Variants in SLC25A48 observed in about 807,000 individuals in gnomAD.
The protein encoded by SLC25A48 is CTC-321K16.1.
Under a neutral mutation model 32.2 loss-of-function variants are expected in SLC25A48, and 29 were observed. The ratio of observed to expected loss-of-function variants is 0.90; its 90% CI spans 0.67 to 1.23. The LOEUF is 1.23. Ranked by LOEUF, SLC25A48 falls within the 50% of genes most tolerant of loss-of-function variation. The probability of loss-of-function intolerance (pLI) is 0.00; values close to 1 mark genes in which losing one functional copy is unlikely to be tolerated. For synonymous variants in SLC25A48, 164 were observed against 172.3 expected (o/e 0.95, Z 0.38); for missense variants, 399 against 422.7 (o/e 0.94, Z 0.49).
intron 3 of SLC25A48, among the ~76,000 whole-genome samples, chr5:135,669,508 G>C (rs1008573153): frequency 9.2e-5 from 14 of 152,210 alleles, no homozygotes; most frequent in African/African-American, 3.4e-4. Context: ...GCAACGGGAT[G>C]TCACTTCCAC....
chr5:135,749,287 A>C (rs1755714958), intron 3 of SLC25A48, among the ~76,000 whole-genome samples: 1 of 149,796 alleles, frequency 6.7e-6, no homozygotes, highest in African/African-American at 2.5e-5. Flanking sequence ...TTCCACACAC[A>C]AAAAAAAACC....
At chr5:135,712,599 T>G (rs1486219525) in intron 3 of SLC25A48, among the ~76,000 whole-genome samples, 1 of 152,236 alleles carries the variant, frequency 6.6e-6, no homozygotes, top group East Asian at 1.9e-4. Context: ...ATGAGGATAC[T>G]TCTGGCTTAT....
intron 4 of SLC25A48, among the ~76,000 whole-genome samples, chr5:135,861,913 A>AT (rs558108640): frequency 3.5e-5 from 5 of 142,944 alleles, no homozygotes; most frequent in Admixed American, 6.7e-5. Context: ...TTATGCCCCC[A>AT]TGTAAATGCT....
intron 3 of SLC25A48, among the ~76,000 whole-genome samples, chr5:135,750,086 A>G (rs1470533503): frequency 1.3e-5 from 2 of 152,142 alleles, no homozygotes; most frequent in Non-Finnish European, 2.9e-5. Flanking sequence ...TATTGCATGG[A>G]TGTCCCACAA....
At chr5:135,620,287 C>G (rs2126898176) in intron 1 of SLC25A48, among the ~76,000 whole-genome samples, 1 of 152,188 alleles carries the variant, frequency 6.6e-6, no homozygotes, top group South Asian at 2.1e-4. Flanking sequence ...TGGGCAATCC[C>G]CAGACCCCTG....
At chr5:135,633,520 A>G (rs1476180079) in intron 2 of SLC25A48, among the ~76,000 whole-genome samples, 1 of 152,006 alleles carries the variant, frequency 6.6e-6, no homozygotes, top group Non-Finnish European at 1.5e-5. Flanking sequence ...AGCCACCTGC[A>G]AGCCAGGAAG....
At chr5:135,813,707 A>G (rs145587405) in intron 4 of SLC25A48, among the ~76,000 whole-genome samples, 1 of 152,364 alleles carries the variant, frequency 6.6e-6, no homozygotes, top group African/African-American at 2.4e-5. Context: ...GTAGTCAGGC[A>G]GAGAGGGAAA....
rs538151428 is a variant in SLC25A48 at position 135,659,745 on chromosome 5, A to G, written c.-521+24789A>G. Among the ~76,000 whole-genome samples the G allele has an allele frequency of 2.0e-5, 3 of 152,334 alleles. No individual in the cohort carries two copies. In the East Asian group the frequency reaches 5.8e-4, roughly 29 times the overall value. ...CCTGGGGAAGCCTCAGGAAACTTAC[A>G]ATCATGGTGGAAGGTGAAGAGGAAG... On this transcript the variant is annotated intron_variant, in intron 3 of 10. Coordinates refer to the SLC25A48 transcript ENST00000646290.
intron 5 of SLC25A48, 185 bp downstream of exon 5, chr5:135,871,903 T>G: frequency 6.7e-7 from 1 of 1,481,690 alleles, no homozygotes; most frequent in Non-Finnish European, 9.0e-7. Flanking sequence ...ATCCCTTCCC[T>G]ATGCAGCTAT....
chr5:135,853,315 T>C lies in SLC25A48; in HGVS notation c.421+494T>C, dbSNP rs555392428. Reference sequence around the variant, plus strand: ...TAAGACAACAATGAAGTTTGCCATATCCATTGACTTCCTTTCACCAAAGTT... The same window carrying C: ...TAAGACAACAATGAAGTTTGCCATACCCATTGACTTCCTTTCACCAAAGTT... On this transcript the variant is annotated intron_variant, in intron 4 of 7. Transcript: ENST00000681962. Among the ~76,000 whole-genome samples, 5 of 152,290 alleles carry C rather than the reference T, an allele frequency of 3.3e-5. No homozygotes were observed. The East Asian group carries it at 9.7e-4, about 29-fold the overall frequency.
In SLC25A48 at chr5:135,619,207, T is replaced by C. The variant is rs548507841; in HGVS notation, c.-848-10030T>C. 6.8e-4 allele frequency among the ~76,000 whole-genome samples: 104 copies of C among 152,208 alleles called. 1 individual carries two copies. Among genetic ancestry groups the C allele is most frequent in the Non-Finnish European group, 1.2e-3 (83 of 67,990 alleles). On this transcript the variant is annotated intron_variant, in intron 1 of 10. Coordinates refer to the SLC25A48 transcript ENST00000646290. ...CATTCTTTTAAAATTCTTTTTCTTT[T>C]AAAATTTTTGTTTGACTGGATTATT...
At chr5:135,752,078 A>T (rs1561476081) in intron 3 of SLC25A48, among the ~76,000 whole-genome samples, 1 of 152,216 alleles carries the variant, frequency 6.6e-6, no homozygotes, top group Non-Finnish European at 1.5e-5. Context: ...TAACATGTCC[A>T]GAAGGAAAAA....
chr5:135,788,143 A>G (rs1756899667), intron 3 of SLC25A48, among the ~76,000 whole-genome samples: 1 of 151,588 alleles, frequency 6.6e-6, no homozygotes, highest in Admixed American at 6.6e-5. Context: ...TTCCCCTGGC[A>G]TATGGTCCGT....
intron 1 of SLC25A48, among the ~76,000 whole-genome samples, chr5:135,588,838 CT>C (rs1751437813): frequency 6.6e-6 from 1 of 152,164 alleles, no homozygotes; most frequent in Non-Finnish European, 1.5e-5. Flanking sequence ...GCCTTGAATG[CT>C]GCATCAGGAA....
intron 2 of SLC25A48, among the ~76,000 whole-genome samples, chr5:135,632,473 A>T (rs575652711): frequency 2.6e-5 from 4 of 152,150 alleles, no homozygotes; most frequent in African/African-American, 9.7e-5. Flanking sequence ...ATGCTCAGGG[A>T]TTGATTATGA....
chr5:135,773,373 G>A (rs531021886), intron 3 of SLC25A48, among the ~76,000 whole-genome samples: 2 of 150,616 alleles, frequency 1.3e-5, no homozygotes. Context: ...TCATAGCGGG[G>A]TGTACACCCC....
At chr5:135,821,788 G>A (rs1305412222) in intron 4 of SLC25A48, 1 of 152,240 alleles carries the variant, frequency 6.6e-6, no homozygotes, top group Non-Finnish European at 1.5e-5. Flanking sequence ...CAGGCAGAGG[G>A]GGATTTGCCA....
intron 3 of SLC25A48, among the ~76,000 whole-genome samples, chr5:135,792,974 A>G (rs1757069607): frequency 6.6e-6 from 1 of 151,608 alleles, no homozygotes; most frequent in South Asian, 2.1e-4. Context: ...CCATGTATGT[A>G]CACCCTGGGA....
At chr5:135,703,115 G>A (rs1040986342) in intron 3 of SLC25A48, among the ~76,000 whole-genome samples, 6 of 152,292 alleles carry the variant, frequency 3.9e-5, no homozygotes, top group East Asian at 1.9e-4. Context: ...ATGTAATACC[G>A]GACAGGGGCC....
Sources: allele counts gnomAD v4.1 joint callset (sites outside exome capture counted in the v4.1 genomes callset), GRCh38; gene constraint gnomAD v4.1.1; transcripts MANE v1.5; gene names NCBI Gene and HGNC (gene_info 2026-07-23, HGNC 2026-07-21).